The following IL1RAPL1 variants were observed in gnomAD, a reference collection of about 807,000 sequenced individuals.
IL1RAPL1 encodes interleukin-1 receptor accessory protein-like 1.
Under a neutral mutation model 48.4 loss-of-function variants are expected in IL1RAPL1, and 3 were observed. The observed-to-expected ratio is 0.06, with a 90% CI of 0.03 to 0.16. The LOEUF (loss-of-function observed/expected upper bound fraction) is 0.16. Ranked by LOEUF, IL1RAPL1 falls within the 10% of genes least tolerant of loss-of-function variation. The probability of loss-of-function intolerance (pLI) is 1.00; values close to 1 mark genes in which losing one functional copy is unlikely to be tolerated. For missense variants in IL1RAPL1, 349 were observed against 530.6 expected (o/e 0.66, Z 3.36); for synonymous variants, 185 against 187.7 (o/e 0.99, Z 0.12).
At chrX:28,762,753 T>C (rs1247376089) in intron 1 of IL1RAPL1, among the ~76,000 whole-genome samples, 1 of 107,058 alleles carries the variant, frequency 9.3e-6, no homozygotes, top group Non-Finnish European at 1.9e-5. Context: ...TGAACTAGAT[T>C]GTATATATAT....
chrX:29,263,549 G>A (rs1441286274), intron 2 of IL1RAPL1, among the ~76,000 whole-genome samples: 3 of 111,904 alleles, frequency 2.7e-5, no homozygotes, highest in African/African-American at 9.7e-5. Flanking sequence ...GTATATCCAG[G>A]CATGCTGTGC....
chrX:29,257,087 A>G (rs969824683), intron 2 of IL1RAPL1, among the ~76,000 whole-genome samples: 12 of 111,715 alleles, frequency 1.1e-4, no homozygotes, highest in African/African-American at 3.2e-4. Context: ...GCATTTTTCA[A>G]TGTTCATTAT....
chrX:28,889,744 C>T (rs1421763012), intron 2 of IL1RAPL1, among the ~76,000 whole-genome samples: 1 of 111,036 alleles, frequency 9.0e-6, no homozygotes, highest in Non-Finnish European at 1.9e-5. Flanking sequence ...CTTTGTTCAC[C>T]TTTCTAAAGG....
At chrX:29,511,079 T>G (rs1237129522) in intron 5 of IL1RAPL1, among the ~76,000 whole-genome samples, 1 of 111,673 alleles carries the variant, frequency 9.0e-6, no homozygotes, top group Admixed American at 9.5e-5. Flanking sequence ...AACTCATTAC[T>G]TTTCCATCAG....
At chrX:29,089,576 T>TTA (rs1928033816) in intron 2 of IL1RAPL1, among the ~76,000 whole-genome samples, 1 of 105,002 alleles carries the variant, frequency 9.5e-6, no homozygotes, top group African/African-American at 3.5e-5. Flanking sequence ...CCTTTTTTTT[T>TTA]ATTTCATATT....
intron 6 of IL1RAPL1, among the ~76,000 whole-genome samples, chrX:29,720,203 C>T (rs1025905630): frequency 1.8e-5 from 2 of 111,460 alleles, no homozygotes; most frequent in Non-Finnish European, 3.8e-5. Context: ...GGCGATTCCT[C>T]AAGGATCTAG....
chrX:29,560,263 C>T (rs1297185958), intron 5 of IL1RAPL1, among the ~76,000 whole-genome samples: 2 of 111,561 alleles, frequency 1.8e-5, no homozygotes, highest in Non-Finnish European at 3.8e-5. Flanking sequence ...TGCTGATAGC[C>T]TTATAAAGAA....
At chrX:28,943,694 AT>A (rs1924223150) in intron 2 of IL1RAPL1, among the ~76,000 whole-genome samples, 1 of 110,697 alleles carries the variant, frequency 9.0e-6, no homozygotes, top group Non-Finnish European at 1.9e-5. Flanking sequence ...TGACAAAAAA[AT>A]GAATCCACTG....
chrX:28,932,942 C>T (rs1181417021), intron 2 of IL1RAPL1, among the ~76,000 whole-genome samples: 2 of 111,294 alleles, frequency 1.8e-5, no homozygotes, highest in Non-Finnish European at 3.8e-5. Context: ...TCTTCCAATT[C>T]TACTCCTAAT....
chrX:29,274,011 C>T (rs761219957), intron 2 of IL1RAPL1, among the ~76,000 whole-genome samples: 1 of 111,494 alleles, frequency 9.0e-6, no homozygotes, highest in Admixed American at 9.5e-5. Context: ...GGAAAAAAAA[C>T]ACATGCAAAG....
At chrX:28,985,763 C>T (rs1469860777) in intron 2 of IL1RAPL1, among the ~76,000 whole-genome samples, 1 of 108,277 alleles carries the variant, frequency 9.2e-6, no homozygotes, top group Non-Finnish European at 1.9e-5. Context: ...GGGTTCACGC[C>T]ATTCTCCTGC....
chrX:29,863,784 CT>C (rs1225575729), intron 6 of IL1RAPL1, among the ~76,000 whole-genome samples: 3,502 of 104,887 alleles, frequency 0.033, 127 homozygotes, highest in African/African-American at 0.11. Flanking sequence ...ACACATACAA[CT>C]TTTTTTTTTT....
intron 3 of IL1RAPL1, among the ~76,000 whole-genome samples, chrX:29,339,931 T>A (rs1045416216): frequency 9.0e-6 from 1 of 111,613 alleles, no homozygotes; most frequent in African/African-American, 3.2e-5. Context: ...TTTATATGTA[T>A]ATTTTTTCAT....
At chrX:28,767,097 G>GT (rs1226919524) in intron 1 of IL1RAPL1, among the ~76,000 whole-genome samples, 1 of 111,020 alleles carries the variant, frequency 9.0e-6, no homozygotes. Context: ...TCTATTTTTA[G>GT]TTTTTTTAGG....
chrX:29,672,761 A>C (rs1386291843), intron 6 of IL1RAPL1, among the ~76,000 whole-genome samples: 1 of 111,906 alleles, frequency 8.9e-6, no homozygotes, highest in East Asian at 2.8e-4. Context: ...AATTTTCTGC[A>C]AGAGAATATA....
chrX:29,233,459 T>G (rs749553924), intron 2 of IL1RAPL1, among the ~76,000 whole-genome samples: 99 of 112,033 alleles, frequency 8.8e-4, no homozygotes, highest in African/African-American at 3.1e-3. Context: ...TTAATCTTTC[T>G]TTTTTTCTTA....
chrX:29,771,020 G>A (rs1929053118), intron 6 of IL1RAPL1, among the ~76,000 whole-genome samples: 1 of 111,801 alleles, frequency 8.9e-6, no homozygotes, highest in Non-Finnish European at 1.9e-5. Flanking sequence ...TGTTCTTCAG[G>A]CTGTTACTAT....
chrX:29,500,191 G>A (rs1201607005), intron 5 of IL1RAPL1, among the ~76,000 whole-genome samples: 1 of 111,243 alleles, frequency 9.0e-6, no homozygotes, highest in Non-Finnish European at 1.9e-5. Flanking sequence ...ATGTTGGCCA[G>A]GCTGGTCTCA....
chrX:29,334,535 C>T (rs1932949818), intron 3 of IL1RAPL1, among the ~76,000 whole-genome samples: 2 of 111,817 alleles, frequency 1.8e-5, no homozygotes, highest in South Asian at 3.7e-4. Flanking sequence ...GGCTGCCGGA[C>T]GGAGGGGCTC....
Sources: gnomAD v4.1 joint callset for allele counts (sites outside exome capture counted in the v4.1 genomes callset) on GRCh38, gnomAD v4.1.1 for gene constraint, MANE v1.5 for transcripts, NCBI Gene and HGNC (gene_info 2026-07-23, HGNC 2026-07-21) for gene names.